The following STIP1 variants were observed in gnomAD, a reference collection of about 807,000 sequenced individuals.
The protein encoded by STIP1 is stress induced phosphoprotein 1.
A neutral mutation model predicts 77.4 loss-of-function variants in STIP1; 16 were observed. That is an observed-to-expected ratio of 0.21 (90% confidence interval 0.14 to 0.31). The LOEUF is 0.31. Among genes scored for constraint, STIP1 ranks in the 10% least tolerant of loss-of-function variants. The pLI is 1.00. For synonymous variants in STIP1, 258 were observed against 246.6 expected, an observed-to-expected ratio of 1.05 and a Z score of -0.44; for missense variants, 524 against 684.8, an observed-to-expected ratio of 0.77 and a Z score of 2.62.
At chr11:64,188,276 G>C (rs1267318949) in intron 1 of STIP1, among the ~76,000 whole-genome samples, 1 of 150,976 alleles carries the variant, frequency 6.6e-6, no homozygotes, top group Non-Finnish European at 1.5e-5. Flanking sequence ...CCCGGGAGGC[G>C]TAGGTTGCAG....
At chr11:64,203,094 T>C (rs889320996) in intron 11 of STIP1, 31 bp from the exon 12 acceptor site, 8 of 1,613,248 alleles carry the variant, frequency 5.0e-6, no homozygotes, top group Non-Finnish European at 6.8e-6. Flanking sequence ...GGCGCTGCGG[T>C]TGGATAACGC....
intron 1 of STIP1, among the ~76,000 whole-genome samples, chr11:64,186,782 T>G (rs763615961): frequency 6.6e-6 from 1 of 151,432 alleles, no homozygotes; most frequent in African/African-American, 2.5e-5. Context: ...TAGCCGAGGA[T>G]CTTAGCAGCC....
In STIP1 at chr11:64,200,162, TC is replaced by T; in HGVS notation, c.1121-3del. ...TTTAAAAGACAGTCTTTGTTTTTCT[TC>T]CCCAGGGGACTATCCCCAGGCCATG... On this transcript the variant is annotated splice_region_variant and splice_polypyrimidine_tract_variant and intron_variant, in intron 9 of 13. Transcript: ENST00000305218. 6.2e-7 allele frequency: 1 copy of T among 1,609,326 alleles called. No individual in the cohort carries two copies. Among genetic ancestry groups the T allele is most frequent in the Non-Finnish European group, 8.5e-7 (1 of 1,177,886 alleles).
intron 8 of STIP1, among the ~76,000 whole-genome samples, chr11:64,198,762 T>TG (rs1946180111): frequency 6.6e-6 from 1 of 150,878 alleles, no homozygotes; most frequent in Admixed American, 6.6e-5. Flanking sequence ...GGTTTTTTTT[T>TG]TTTTTTTTTT....
At chr11:64,186,391 G>A in intron 1 of STIP1, 121 bp downstream of exon 1, 1 of 723,618 alleles carries the variant, frequency 1.4e-6, no homozygotes, top group Non-Finnish European at 1.9e-6. Context: ...GCTGGGGCCG[G>A]ACGGGGCGGC....
intron 11 of STIP1, 39 bp from the exon 12 acceptor site, chr11:64,203,086 C>A (rs374507081): frequency 9.3e-6 from 15 of 1,608,388 alleles, no homozygotes; most frequent in Non-Finnish European, 1.3e-5. Flanking sequence ...CAGCCTTGGG[C>A]GCTGCGGTTG....
Position 64,204,234 on chromosome 11 carries a change from C to T in STIP1, c.*108C>T. The T allele has an allele frequency of 8.9e-7, 1 of 1,127,324 alleles. No homozygotes were observed. The highest frequency in any genetic ancestry group is 1.3e-6 in the Non-Finnish European group (1 of 773,122). The allele number at this position is 1,127,324 out of a possible 1,614,324, so 69.8% of individuals were successfully genotyped here. The stretch of plus-strand genomic sequence containing the variant: ...GAGCAGGGGAGAGAAGGCCTCATCT[C>T]TCTATATTTATACATAACCCCGGGG... On this transcript the variant is annotated 3_prime_UTR_variant, in exon 14 of 14. Transcript: ENST00000305218.
chr11:64,185,300 C>A (rs944301569), upstream of STIP1: 4 of 162,874 alleles, frequency 2.5e-5, no homozygotes, highest in Non-Finnish European at 4.0e-5. Context: ...CAGGACCAAA[C>A]GACCGGCGCG....
chr11:64,200,098 T>G lies in STIP1; in HGVS notation c.1120+62T>G, dbSNP rs1182273424. ...TGGGTGTGCCTCCCGTGCCTGGCTGTGGGGTAAATGGCCGGCTACACATGG... is the reference window on the plus strand; with the variant it reads ...TGGGTGTGCCTCCCGTGCCTGGCTGGGGGGTAAATGGCCGGCTACACATGG... On this transcript the variant is annotated intron_variant, in intron 9 of 13. Coordinates refer to ENST00000305218, the MANE Select transcript of STIP1 (RefSeq NM_006819.3). 6 of 1,612,444 alleles carry G rather than the reference T, an allele frequency of 3.7e-6. No individual in the cohort carries two copies. In the East Asian group the frequency reaches 1.3e-4, roughly 36 times the overall value.
chr11:64,203,372 C>T, intron 12 of STIP1, 78 bp from the exon 13 acceptor site: 1 of 1,597,990 alleles, frequency 6.3e-7, no homozygotes. Context: ...TGTCAGTTAC[C>T]TCTGTTATCT....
chr11:64,189,389 T>C (rs749405047), intron 1 of STIP1, among the ~76,000 whole-genome samples: 7 of 151,754 alleles, frequency 4.6e-5, no homozygotes, highest in African/African-American at 1.2e-4. Flanking sequence ...TAAGCGGACA[T>C]TGTGGTGCGC....
In STIP1 at chr11:64,199,664, C is replaced by T. The variant is rs544422113; in HGVS notation, c.1024-276C>T. ...TGCAAGCTTCCGCCTCCCGGGTTCACGCCATTCTCCTGCCTCAGTCTCCCG... is the reference window on the plus strand; with the variant it reads ...TGCAAGCTTCCGCCTCCCGGGTTCATGCCATTCTCCTGCCTCAGTCTCCCG... On this transcript the variant is annotated intron_variant, in intron 8 of 13. Coordinates refer to ENST00000305218, the MANE Select transcript of STIP1 (RefSeq NM_006819.3). Among the ~76,000 whole-genome samples, 80 of 149,598 alleles carry T rather than the reference C, an allele frequency of 5.3e-4. 1 individual carries two copies. Among genetic ancestry groups the T allele is most frequent in the South Asian group, 4.3e-3 (20 of 4,644 alleles).
chr11:64,191,676 A>G (rs150547334), intron 1 of STIP1, among the ~76,000 whole-genome samples: 2,023 of 151,926 alleles, frequency 0.013, 29 homozygotes, highest in South Asian at 0.087. Context: ...GCTGTGGGGC[A>G]CCTGACCTTT....
chr11:64,204,521 C>A lies in STIP1; in HGVS notation c.*395C>A. 1 of 219,224 alleles carries A rather than the reference C, an allele frequency of 4.6e-6. No homozygotes were observed. 13.6% of individuals were successfully genotyped at this position (219,224 alleles called of 1,614,324 possible). A position where few individuals can be genotyped will look rare whatever the true frequency, so the allele number is the denominator to read the frequency against. On this transcript the variant is annotated 3_prime_UTR_variant, in exon 14 of 14. Coordinates refer to ENST00000305218, the MANE Select transcript of STIP1 (RefSeq NM_006819.3). Reference sequence around the variant, plus strand: ...TTCTGCGTCCCCTTCTCCAATAAAACAAGCCAGTTGGGCGTGGTTATATGT... The same window carrying A: ...TTCTGCGTCCCCTTCTCCAATAAAAAAAGCCAGTTGGGCGTGGTTATATGT...
intron 2 of STIP1, 25 bp downstream of exon 2, chr11:64,193,312 A>AG (rs769955718): frequency 6.2e-7 from 1 of 1,612,672 alleles, no homozygotes; most frequent in South Asian, 1.1e-5. Context: ...GTGGAGGGAG[A>AG]GAGGCCCTTC....
upstream of STIP1, chr11:64,185,293 G>A (rs939430997): frequency 8.0e-5 from 13 of 163,030 alleles, no homozygotes; most frequent in Middle Eastern, 3.2e-3. Flanking sequence ...GGCCCTACAG[G>A]ACCAAACGAC....
intron 1 of STIP1, among the ~76,000 whole-genome samples, chr11:64,188,136 C>G (rs936391876): frequency 6.6e-6 from 1 of 151,268 alleles, no homozygotes; most frequent in Non-Finnish European, 1.5e-5. Flanking sequence ...CACCTGAGGT[C>G]AGGAGTTCTA....
chr11:64,200,577 GTATC>G (rs944663174), intron 10 of STIP1, among the ~76,000 whole-genome samples: 3 of 147,630 alleles, frequency 2.0e-5, no homozygotes, highest in Non-Finnish European at 3.0e-5. Flanking sequence ...TATGGGACCT[GTATC>G]TAACTGGTCG....
At chr11:64,193,589 G>T in intron 2 of STIP1, 1 of 397,638 alleles carries the variant, frequency 2.5e-6, no homozygotes, top group Non-Finnish European at 4.7e-6. Context: ...TTCAAGACCA[G>T]CCTGGCCAAC....
Sources: gnomAD v4.1 joint callset for allele counts (sites outside exome capture counted in the v4.1 genomes callset) on GRCh38, gnomAD v4.1.1 for gene constraint, MANE v1.5 for transcripts, NCBI Gene and HGNC (gene_info 2026-07-23, HGNC 2026-07-21) for gene names.